Variants in PPP2R2C observed in about 807,000 individuals in gnomAD.
PPP2R2C encodes the protein protein phosphatase 2 regulatory subunit Bgamma, also known as protein phosphatase 2, regulatory subunit B, gamma.
In PPP2R2C, 10 loss-of-function variants were observed where a neutral mutation model predicts 45.3. That is an observed-to-expected ratio of 0.22 (90% CI 0.14 to 0.37). The LOEUF is 0.37. PPP2R2C is among the 10% of genes least tolerant of loss of function. The pLI is 1.00. For synonymous variants in PPP2R2C, 257 were observed against 245.4 expected (o/e 1.05, Z -0.44); for missense variants, 308 against 619.7 (o/e 0.50, Z 5.34).
intron 1 of PPP2R2C, chr4:6,421,073 G>C (rs1024245962): frequency 1.0e-6 from 1 of 985,240 alleles, no homozygotes; most frequent in Middle Eastern, 5.2e-4. Flanking sequence ...GGTGTCCACA[G>C]AAGTGGAGAG....
At chr4:6,334,206 T>C (rs1732647273) in intron 6 of PPP2R2C, among the ~76,000 whole-genome samples, 2 of 152,184 alleles carry the variant, frequency 1.3e-5, no homozygotes, top group African/African-American at 4.8e-5. Context: ...TCTCTGTTCA[T>C]GGTGTCCTGG....
intron 1 of PPP2R2C, among the ~76,000 whole-genome samples, chr4:6,395,942 T>C (rs529057268): frequency 1.3e-5 from 2 of 152,294 alleles, no homozygotes; most frequent in Admixed American, 1.3e-4. Flanking sequence ...GGCACAGATG[T>C]TCTGCTTGAG....
chr4:6,524,074 T>C (rs2108816095), intron 2 of PPP2R2C, among the ~76,000 whole-genome samples: 1 of 146,990 alleles, frequency 6.8e-6, no homozygotes, highest in East Asian at 2.1e-4. Context: ...CCACCAGGCC[T>C]GGCTAATTTT....
At chr4:6,381,687 C>A in intron 1 of PPP2R2C, 1 of 1,527,998 alleles carries the variant, frequency 6.5e-7, no homozygotes, top group South Asian at 1.3e-5. Flanking sequence ...CGAAGCTCAG[C>A]CCTGCCTGCC....
chr4:6,556,253 G>A (rs1264027935), intron 1 of PPP2R2C, among the ~76,000 whole-genome samples: 1 of 152,198 alleles, frequency 6.6e-6, no homozygotes, highest in Non-Finnish European at 1.5e-5. Flanking sequence ...TAATCCCACT[G>A]TGGATGGGCC....
chr4:6,391,377 G>A (rs1426521115), intron 1 of PPP2R2C, among the ~76,000 whole-genome samples: 4 of 152,210 alleles, frequency 2.6e-5, no homozygotes, highest in Admixed American at 1.3e-4. Context: ...GGCAGGCGCT[G>A]TGCAGGGAAC....
At chr4:6,417,366 C>A (rs1468813935) in intron 1 of PPP2R2C, among the ~76,000 whole-genome samples, 1 of 152,238 alleles carries the variant, frequency 6.6e-6, no homozygotes, top group African/African-American at 2.4e-5. Flanking sequence ...ACCCTTGTTC[C>A]ACTGTCTGCT....
At chr4:6,375,647 T>C (rs1230183349) in intron 4 of PPP2R2C, among the ~76,000 whole-genome samples, 172 bp downstream of exon 4, 3 of 152,232 alleles carry the variant, frequency 2.0e-5, no homozygotes, top group African/African-American at 7.2e-5. Context: ...TGTATGCTGC[T>C]GGTGAGGAAA....
intron 5 of PPP2R2C, among the ~76,000 whole-genome samples, chr4:6,355,913 G>A (rs1158663685): frequency 6.7e-6 from 1 of 148,834 alleles, no homozygotes; most frequent in African/African-American, 2.5e-5. Context: ...AGAATCACTT[G>A]AACCTGGGAG....
intron 3 of PPP2R2C, among the ~76,000 whole-genome samples, chr4:6,377,793 G>A (rs1715452395): frequency 6.6e-6 from 1 of 152,156 alleles, no homozygotes. Context: ...AGCCAAGCAG[G>A]ACAGCCCCAG....
chr4:6,405,705 CAGATGCTG>C (rs893048194), intron 1 of PPP2R2C, among the ~76,000 whole-genome samples: 2 of 152,176 alleles, frequency 1.3e-5, no homozygotes, highest in African/African-American at 2.4e-5. Context: ...CTCTTGAATC[CAGATGCTG>C]ACATGACAAC....
At chr4:6,509,034 G>A (rs371993231) in intron 2 of PPP2R2C, among the ~76,000 whole-genome samples, 8 of 152,182 alleles carry the variant, frequency 5.3e-5, no homozygotes, top group Admixed American at 1.3e-4. Context: ...CCCCTCAGAC[G>A]AATCCTTTCC....
chr4:6,563,779 G>A (rs1454936100), upstream of PPP2R2C, among the ~76,000 whole-genome samples: 1 of 144,566 alleles, frequency 6.9e-6, no homozygotes, highest in Non-Finnish European at 1.5e-5. This position sits in a 1 kb window ranked among gnomAD's most constrained non-coding sequence, Gnocchi z 5.8. Context: ...CGACCGCGAC[G>A]GGCGTCCTCC....
chr4:6,539,924 G>C (rs1048937682), intron 1 of PPP2R2C, among the ~76,000 whole-genome samples: 1 of 152,124 alleles, frequency 6.6e-6, no homozygotes, highest in African/African-American at 2.4e-5. Context: ...TATTCCACTA[G>C]AGAAGGCAGA....
At chr4:6,473,293 TCCCTCCCTC>T (rs1722014748), upstream of PPP2R2C, among the ~76,000 whole-genome samples, 1 of 151,810 alleles carries the variant, frequency 6.6e-6, no homozygotes, top group African/African-American at 2.4e-5. Flanking sequence ...CCTCCTCCCT[TCCCTCCCTC>T]CCCTCCAAAC....
At chr4:6,354,726 G>C (rs900925724) in intron 5 of PPP2R2C, among the ~76,000 whole-genome samples, 13 of 148,576 alleles carry the variant, frequency 8.7e-5, no homozygotes, top group Non-Finnish European at 8.9e-5. Context: ...TAGGTCCAGA[G>C]ACAGGCTCAG....
intron 6 of PPP2R2C, among the ~76,000 whole-genome samples, chr4:6,343,334 G>A (rs371932682): frequency 9.8e-5 from 15 of 152,300 alleles, no homozygotes; most frequent in African/African-American, 3.6e-4. Flanking sequence ...TGGCACGAAA[G>A]AGAAAGTTTC....
chr4:6,467,862 C>T (rs930719269), intron 1 of PPP2R2C, among the ~76,000 whole-genome samples: 11 of 152,214 alleles, frequency 7.2e-5, no homozygotes, highest in African/African-American at 2.7e-4. Flanking sequence ...ACTTGCTCCC[C>T]TCATGGTGTC....
intron 2 of PPP2R2C, among the ~76,000 whole-genome samples, chr4:6,530,534 T>C (rs895080584): frequency 3.5e-5 from 5 of 143,830 alleles, no homozygotes; most frequent in African/African-American, 1.2e-4. Flanking sequence ...CTGTGGTCGC[T>C]GGACTGTCAC....
Sources: allele counts gnomAD v4.1 joint callset (sites outside exome capture counted in the v4.1 genomes callset), GRCh38; gene constraint gnomAD v4.1.1; non-coding constraint Gnocchi (gnomAD v3.1); transcripts MANE v1.5; gene names NCBI Gene and HGNC (gene_info 2026-07-23, HGNC 2026-07-21).